The following UGT2B17 variants were observed in gnomAD, a reference collection of about 807,000 sequenced individuals.
The protein encoded by UGT2B17 is UDP-glucuronosyltransferase 2B17.
In UGT2B17, 21 loss-of-function variants were observed where a neutral mutation model predicts 48.2. That is an observed-to-expected ratio of 0.44 (90% CI 0.31 to 0.63). The LOEUF is 0.63. UGT2B17 is among the 20% of genes least tolerant of loss of function. The pLI is 0.08. For missense variants in UGT2B17, 402 were observed against 696.1 expected (o/e 0.58, Z 4.75); for synonymous variants, 146 against 238.4 (o/e 0.61, Z 3.57).
intron 4 of UGT2B17, among the ~76,000 whole-genome samples, chr4:68,559,266 A>G (rs1158410509): frequency 7.9e-6 from 1 of 126,322 alleles, no homozygotes; most frequent in African/African-American, 2.7e-5. Flanking sequence ...ATAATGCTAC[A>G]TATGTAGTAA....
At position 68,557,528 on chromosome 4, in the gene UGT2B17, GT is replaced by G. The variant is rs1216823575; in HGVS notation, c.1005+3008del. Among the ~76,000 whole-genome samples the G allele has an allele frequency of 3.8e-3, 411 of 108,126 alleles. 84 individuals are homozygous for G. The highest frequency in any genetic ancestry group is 5.6e-3 in the Non-Finnish European group (289 of 51,686). The allele number at this position is 108,126 out of a possible 152,430, so 70.9% of individuals were successfully genotyped here. A position where few individuals can be genotyped will look rare whatever the true frequency, so the allele number is the denominator to read the frequency against. Reference sequence around the variant, plus strand: ...CATTGCTGATCCTTTGTTTTGTTTTGTTTTTTTTTTTAGAGTGAAGGAATCT... The same window carrying G: ...CATTGCTGATCCTTTGTTTTGTTTTGTTTTTTTTTTAGAGTGAAGGAATCT... On this transcript the variant is annotated intron_variant, in intron 4 of 6. Coordinates refer to ENST00000317746, the MANE Select transcript of UGT2B17 (RefSeq NM_001077.4).
chr4:68,570,220 C>T (rs74333491), intron 1 of UGT2B17, among the ~76,000 whole-genome samples: 5,391 of 127,000 alleles, frequency 0.042, 1,269 homozygotes, highest in African/African-American at 0.13. Flanking sequence ...GGGCTCACAA[C>T]ACTAAAGATT....
rs916166257 is a variant in UGT2B17 at position 68,540,409 on chromosome 4, C to T, written c.1314-2505G>A. ...CACTATCTCAGCTCACTGAAACCTC[C>T]GTCTCCCAGGTTCAAGTGATTCTCC... On this transcript the variant is annotated intron_variant, in intron 6 of 6. Coordinates refer to ENST00000317746, the MANE Select transcript of UGT2B17 (RefSeq NM_001077.4). 4.7e-5 allele frequency among the ~76,000 whole-genome samples: 6 copies of T among 126,638 alleles called. 2 individuals carry two copies. Among genetic ancestry groups the T allele is most frequent in the Non-Finnish European group, 3.4e-5 (2 of 59,580 alleles). The allele number at this position is 126,638 out of a possible 152,430, so 83.1% of individuals were successfully genotyped here. A position where few individuals can be genotyped will look rare whatever the true frequency, so the allele number is the denominator to read the frequency against.
At chr4:68,564,300 T>A (rs1311957154) in intron 3 of UGT2B17, among the ~76,000 whole-genome samples, 2 of 107,100 alleles carry the variant, frequency 1.9e-5, no homozygotes, top group African/African-American at 7.2e-5. Flanking sequence ...ATATATTTTT[T>A]TTTTTTGAGA....
At position 68,552,845 on chromosome 4, in the gene UGT2B17, A is replaced by AT. The variant is rs1308620145; in HGVS notation, c.1006-935dup. 5.0e-4 allele frequency among the ~76,000 whole-genome samples: 60 copies of AT among 121,154 alleles called. 18 individuals are homozygous for AT. The highest frequency in any genetic ancestry group is 1.8e-3 in the Admixed American group (21 of 11,824). The allele number at this position is 121,154 out of a possible 152,430, so 79.5% of individuals were successfully genotyped here. A position where few individuals can be genotyped will look rare whatever the true frequency, so the allele number is the denominator to read the frequency against. ...TACAACTCCTTTTTTTTTGTTTTTT[A>AT]TTTTTTTTTGGAGTTTTACTTGCTT... is the stretch of plus-strand genomic sequence containing the variant. On this transcript the variant is annotated intron_variant, in intron 4 of 6. Coordinates refer to ENST00000317746, the MANE Select transcript of UGT2B17 (RefSeq NM_001077.4).
rs572729512 is a variant in UGT2B17 at position 68,563,969 on chromosome 4, A to G, written c.873+1603T>C. ...AATAATGACTAAAATAATAATCATA[A>G]TATCAACAATATTTTTGGATCACTG... On this transcript the variant is annotated intron_variant, in intron 3 of 6. Coordinates refer to ENST00000317746, the MANE Select transcript of UGT2B17 (RefSeq NM_001077.4). Among the ~76,000 whole-genome samples the G allele has an allele frequency of 9.6e-5, 12 of 125,236 alleles. 4 individuals carry two copies. Among genetic ancestry groups the G allele is most frequent in the Admixed American group, 2.5e-4 (3 of 12,100 alleles). The allele number at this position is 125,236 out of a possible 152,430, so 82.2% of individuals were successfully genotyped here.
In UGT2B17 at chr4:68,565,590, T is replaced by C; in HGVS notation, c.855A>G (p.Pro285=). 4.4e-6 allele frequency: 6 copies of C among 1,370,114 alleles called. 1 individual carries two copies. Among genetic ancestry groups the C allele is most frequent in the Non-Finnish European group, 4.8e-6 (5 of 1,050,656 alleles). 84.9% of individuals were successfully genotyped at this position (1,370,114 alleles called of 1,614,324 possible). ...VDFVGGLHCK[P]AKPLPKEMEE... Reference sequence around the variant, plus strand: ...TGTTCACCTTAGGCAAGGGTTTGGCTGGTTTACAGTGAAGTCCTCCAACAA... The same window carrying C: ...TGTTCACCTTAGGCAAGGGTTTGGCCGGTTTACAGTGAAGTCCTCCAACAA... The change falls in exon 3 of 7, where the codon CCA becomes CCG. Residue 285 remains proline, a synonymous_variant. Transcript: ENST00000317746.
At chr4:68,555,923 GTTTTT>G (rs34104261) in intron 4 of UGT2B17, among the ~76,000 whole-genome samples, 1 of 82,634 alleles carries the variant, frequency 1.2e-5, no homozygotes. Context: ...AAAATAAAAA[GTTTTT>G]TTTTTTTTTT....
chr4:68,555,365 A>G lies in UGT2B17; in HGVS notation c.1006-3454T>C, dbSNP rs1357055276. 8.7e-5 allele frequency among the ~76,000 whole-genome samples: 11 copies of G among 126,764 alleles called. 1 individual carries two copies. The highest frequency in any genetic ancestry group is 4.0e-3 in the Middle Eastern group (1 of 252). The allele number at this position is 126,764 out of a possible 152,430, so 83.2% of individuals were successfully genotyped here. On this transcript the variant is annotated intron_variant, in intron 4 of 6. Coordinates refer to ENST00000317746, the MANE Select transcript of UGT2B17 (RefSeq NM_001077.4). The stretch of plus-strand genomic sequence containing the variant: ...ACCTTGAATTAAGTAAGATTATCAT[A>G]ACTTCTCATCTTGTGGCCTTAAGCA...
At chr4:68,566,279 A>T (rs1294557051) in intron 2 of UGT2B17, among the ~76,000 whole-genome samples, 1 of 123,046 alleles carries the variant, frequency 8.1e-6, no homozygotes, top group Non-Finnish European at 1.7e-5. Flanking sequence ...AGGAAGGCAA[A>T]GTGTTCAGAG....
At chr4:68,548,652 ATTTG>A (rs36043505) in intron 6 of UGT2B17, among the ~76,000 whole-genome samples, 58,860 of 122,770 alleles carry the variant, frequency 0.48, 22,820 homozygotes, top group Middle Eastern at 0.73. Context: ...ATGTTTTTCC[ATTTG>A]TTTGTGTCCT....
In UGT2B17 at chr4:68,576,034, G is replaced by C. The variant is rs564840201; in HGVS notation, c.-148C>G. ...TTAATCCTCCACGGGGGCCTGCTAC[G>C]TGTTGATCTGGTGAGGTGTTCCACT... is the stretch of plus-strand genomic sequence containing the variant. On this transcript the variant is annotated 5_prime_UTR_variant, in exon 1 of 7. Coordinates refer to ENST00000317746, the MANE Select transcript of UGT2B17 (RefSeq NM_001077.4). Among the ~76,000 whole-genome samples, 9 of 125,972 alleles carry C rather than the reference G, an allele frequency of 7.1e-5. 2 individuals carry two copies. Among genetic ancestry groups the C allele is most frequent in the Non-Finnish European group, 1.3e-4 (8 of 59,498 alleles). 82.6% of individuals were successfully genotyped at this position (125,972 alleles called of 152,430 possible).
In UGT2B17 at chr4:68,544,822, C is replaced by A. The variant is rs574427235; in HGVS notation, c.1313+5855G>T. On this transcript the variant is annotated intron_variant, in intron 6 of 6. Transcript: ENST00000317746. ...AGTCTCTGATAAAACAGACTTTAAA[C>A]CAGCAAAGATCAAAAGAGACAAGGC... 2.9e-4 allele frequency among the ~76,000 whole-genome samples: 36 copies of A among 125,400 alleles called. 8 individuals carry two copies. The highest frequency in any genetic ancestry group is 4.9e-4 in the Non-Finnish European group (29 of 59,296). 82.3% of individuals were successfully genotyped at this position (125,400 alleles called of 152,430 possible). A position where few individuals can be genotyped will look rare whatever the true frequency, so the allele number is the denominator to read the frequency against.
At chr4:68,566,809 T>G (rs1731209548) in intron 2 of UGT2B17, among the ~76,000 whole-genome samples, 1 of 106,158 alleles carries the variant, frequency 9.4e-6, no homozygotes, top group African/African-American at 3.3e-5. Flanking sequence ...AAATATACCT[T>G]TAAACAACTC....
chr4:68,558,060 C>A lies in UGT2B17; in HGVS notation c.1005+2477G>T, dbSNP rs1299741013. On this transcript the variant is annotated intron_variant, in intron 4 of 6. Coordinates refer to ENST00000317746, the MANE Select transcript of UGT2B17 (RefSeq NM_001077.4). ...CCTATCTGAGATTCTTTCTATAAGA[C>A]AAAGTTCCATCAAAGCCACTTTAAA... 1.6e-5 allele frequency among the ~76,000 whole-genome samples: 2 copies of A among 123,912 alleles called. 1 individual carries two copies. Among genetic ancestry groups the A allele is most frequent in the African/African-American group, 5.5e-5 (2 of 36,460 alleles). 81.3% of individuals were successfully genotyped at this position (123,912 alleles called of 152,430 possible).
chr4:68,561,051 A>G (rs538546839), intron 3 of UGT2B17, among the ~76,000 whole-genome samples: 1,249 of 123,426 alleles, frequency 0.01, 306 homozygotes, highest in Non-Finnish European at 0.014. Context: ...TTTTTTTTGT[A>G]GTTCTACTAA....
rs1731298269 is a variant in UGT2B17 at position 68,571,608 on chromosome 4, T to A, written c.-64-3060A>T. On this transcript the variant is annotated intron_variant, in intron 1 of 6. Coordinates refer to ENST00000317746, the MANE Select transcript of UGT2B17 (RefSeq NM_001077.4). ...TCTTTAGCTATGCAATACTGTCTAA[T>A]AATTGAGACTTTTAGAACCTAGAGA... Among the ~76,000 whole-genome samples the A allele has an allele frequency of 1.6e-5, 2 of 126,360 alleles. 1 individual carries two copies. Among genetic ancestry groups the A allele is most frequent in the African/African-American group, 5.4e-5 (2 of 36,806 alleles). 82.9% of individuals were successfully genotyped at this position (126,360 alleles called of 152,430 possible). A position where few individuals can be genotyped will look rare whatever the true frequency, so the allele number is the denominator to read the frequency against.
intron 3 of UGT2B17, among the ~76,000 whole-genome samples, chr4:68,561,224 A>G (rs1367117532): frequency 3.3e-5 from 4 of 122,070 alleles, no homozygotes; most frequent in African/African-American, 1.1e-4. Context: ...TAGCTCTCTA[A>G]CCCTTTATAT....
rs1280171975 is a variant in UGT2B17, at chr4:68,563,029, T to G, written c.874-2361A>C. ...GATATTTGAATTATTTCCAGAGTTT[T>G]TTAACGAATATTTGCTACTAATATT... On this transcript the variant is annotated intron_variant, in intron 3 of 6. Coordinates refer to ENST00000317746, the MANE Select transcript of UGT2B17 (RefSeq NM_001077.4). Among the ~76,000 whole-genome samples the G allele has an allele frequency of 3.1e-5, 4 of 127,062 alleles. 1 individual carries two copies. Among genetic ancestry groups the G allele is most frequent in the Non-Finnish European group, 6.7e-5 (4 of 59,884 alleles). 83.4% of individuals were successfully genotyped at this position (127,062 alleles called of 152,430 possible).
Sources: allele counts gnomAD v4.1 joint callset (sites outside exome capture counted in the v4.1 genomes callset), GRCh38; gene constraint gnomAD v4.1.1; transcripts MANE v1.5; gene names NCBI Gene and HGNC (gene_info 2026-07-23, HGNC 2026-07-21).